Variants in GPC6 observed in about 807,000 individuals in gnomAD.
The protein encoded by GPC6 is glypican-6.
GPC6 carries 14 observed loss-of-function variants against 55.2 expected under a neutral mutation model. The observed-to-expected ratio is 0.25, with a 90% CI of 0.17 to 0.40. GPC6 has a LOEUF of 0.40. Ranked by LOEUF, GPC6 falls within the 10% of genes least tolerant of loss-of-function variation. The pLI, the probability that GPC6 is intolerant of heterozygous loss-of-function variation, is 1.00. For synonymous variants in GPC6, 278 were observed against 259.6 expected, an observed-to-expected ratio of 1.07 and a Z score of -0.68; for missense variants, 641 against 708.5, an observed-to-expected ratio of 0.90 and a Z score of 1.08.
chr13:94,372,953 C>T (rs1250828293), intron 6 of GPC6, among the ~76,000 whole-genome samples: 1 of 152,168 alleles, frequency 6.6e-6, no homozygotes, highest in Non-Finnish European at 1.5e-5. Context: ...AGCAGGAGCA[C>T]ACTGACACCT....
intron 2 of GPC6, among the ~76,000 whole-genome samples, chr13:93,774,451 A>G (rs1885398741): frequency 6.6e-6 from 1 of 152,144 alleles, no homozygotes; most frequent in Non-Finnish European, 1.5e-5. Flanking sequence ...AAGTTATGCT[A>G]ATATTATGCA....
At chr13:93,770,542 TTCTC>T (rs1336665777) in intron 2 of GPC6, among the ~76,000 whole-genome samples, 2 of 152,148 alleles carry the variant, frequency 1.3e-5, no homozygotes, top group East Asian at 1.9e-4. Flanking sequence ...TAACTGGACT[TTCTC>T]TCTCTGACTC....
chr13:94,075,435 G>GGT (rs150809379), intron 4 of GPC6, among the ~76,000 whole-genome samples: 50 of 151,500 alleles, frequency 3.3e-4, no homozygotes, highest in East Asian at 9.7e-4. Context: ...TTTGTGTGCA[G>GGT]GTGTGTGTGT....
chr13:93,368,672 G>A (rs1162252353), intron 1 of GPC6, among the ~76,000 whole-genome samples: 1 of 151,844 alleles, frequency 6.6e-6, no homozygotes, highest in Non-Finnish European at 1.5e-5. Flanking sequence ...GCAGGTTACT[G>A]GTAGTATACT....
intron 3 of GPC6, among the ~76,000 whole-genome samples, chr13:93,969,945 A>G (rs981878058): frequency 3.3e-5 from 5 of 152,168 alleles, no homozygotes; most frequent in Non-Finnish European, 7.3e-5. Context: ...TATGTGTACC[A>G]CACATCACCA....
intron 3 of GPC6, among the ~76,000 whole-genome samples, chr13:93,985,759 A>G (rs899096243): frequency 1.3e-5 from 2 of 151,764 alleles, no homozygotes; most frequent in Admixed American, 1.3e-4. Context: ...CTTCCCAGAA[A>G]CTGCATACTC....
At chr13:94,329,922 C>T (rs950473332) in intron 6 of GPC6, among the ~76,000 whole-genome samples, 1 of 152,292 alleles carries the variant, frequency 6.6e-6, no homozygotes, top group East Asian at 1.9e-4. Flanking sequence ...ATTACTCAGC[C>T]TCTAAAGTTT....
At chr13:93,434,090 A>G (rs891795608) in intron 1 of GPC6, among the ~76,000 whole-genome samples, 4 of 152,120 alleles carry the variant, frequency 2.6e-5, no homozygotes, top group African/African-American at 9.7e-5. Context: ...TCTGCTTGAT[A>G]TTGCTCTCTG....
chr13:93,299,710 T>C (rs1182997417), intron 1 of GPC6, among the ~76,000 whole-genome samples: 1 of 152,252 alleles, frequency 6.6e-6, no homozygotes, highest in Admixed American at 6.5e-5. Context: ...GAGTGTTATA[T>C]GCCAATGCCA....
At chr13:93,223,329 G>GA (rs1171079604), upstream of GPC6, among the ~76,000 whole-genome samples, 2 of 152,154 alleles carry the variant, frequency 1.3e-5, no homozygotes, top group African/African-American at 4.8e-5. Context: ...GGGTTGTTGT[G>GA]AAAACCAGCT....
chr13:93,837,988 A>C (rs888407654), intron 3 of GPC6, among the ~76,000 whole-genome samples: 3 of 152,254 alleles, frequency 2.0e-5, no homozygotes, highest in Admixed American at 6.5e-5. Context: ...ACAAGGATAG[A>C]GACCTTAACT....
chr13:94,044,927 A>ATT (rs1020881396), intron 4 of GPC6, among the ~76,000 whole-genome samples: 1 of 151,902 alleles, frequency 6.6e-6, no homozygotes, highest in Non-Finnish European at 1.5e-5. Flanking sequence ...CATATAAAGG[A>ATT]TTTTTTTAAA....
intron 2 of GPC6, among the ~76,000 whole-genome samples, chr13:93,660,599 T>A (rs1255864050): frequency 6.6e-6 from 1 of 152,238 alleles, no homozygotes; most frequent in African/African-American, 2.4e-5. Flanking sequence ...GTTTGTCCAA[T>A]CTGTTCACAT....
chr13:93,823,495 A>C (rs1887126919), intron 2 of GPC6, among the ~76,000 whole-genome samples: 1 of 152,118 alleles, frequency 6.6e-6, no homozygotes, highest in Non-Finnish European at 1.5e-5. Flanking sequence ...CAAGTAAGTA[A>C]AGCCTGTAAT....
chr13:93,626,025 A>G (rs1879186382), intron 2 of GPC6, among the ~76,000 whole-genome samples: 1 of 152,106 alleles, frequency 6.6e-6, no homozygotes, highest in Non-Finnish European at 1.5e-5. Context: ...TTCCATCATG[A>G]TTGATACATG....
At chr13:94,109,282 C>A (rs148535829) in intron 4 of GPC6, among the ~76,000 whole-genome samples, 1 of 152,076 alleles carries the variant, frequency 6.6e-6, no homozygotes, top group Non-Finnish European at 1.5e-5. Flanking sequence ...GTAACAATCC[C>A]CAAACCTCAT....
intron 1 of GPC6, among the ~76,000 whole-genome samples, chr13:93,322,728 C>G (rs555864610): frequency 2.6e-5 from 4 of 152,098 alleles, no homozygotes; most frequent in Non-Finnish European, 2.9e-5. Flanking sequence ...GCATGAGCCA[C>G]CACACCTGGC....
chr13:93,714,151 A>G (rs773339788), intron 2 of GPC6, among the ~76,000 whole-genome samples: 44 of 151,998 alleles, frequency 2.9e-4, no homozygotes, highest in Non-Finnish European at 5.3e-4. Flanking sequence ...TAAACAGACA[A>G]CCAACAGAAT....
intron 4 of GPC6, among the ~76,000 whole-genome samples, chr13:94,274,420 A>C (rs971075250): frequency 6.6e-6 from 1 of 152,012 alleles, no homozygotes; most frequent in Non-Finnish European, 1.5e-5. Context: ...TTTATTTTTG[A>C]ATCTGATATC....
Sources: gnomAD v4.1 joint callset for allele counts (sites outside exome capture counted in the v4.1 genomes callset) on GRCh38, gnomAD v4.1.1 for gene constraint, MANE v1.5 for transcripts, NCBI Gene and HGNC (gene_info 2026-07-23, HGNC 2026-07-21) for gene names.